The following WDR81 variants were observed in gnomAD, a reference collection of about 807,000 sequenced individuals.
WDR81 encodes WD repeat-containing protein 81.
WDR81 carries 92 observed loss-of-function variants against 140.8 expected under a neutral mutation model. The observed-to-expected ratio is 0.65, with a 90% confidence interval of 0.55 to 0.78. The LOEUF is 0.78. Among genes scored for constraint, WDR81 ranks in the 30% least tolerant of loss-of-function variants. WDR81 has a pLI of 0.00. For synonymous variants in WDR81, 1,183 were observed against 1,156.4 expected (o/e 1.02, Z -0.47); for missense variants, 2,502 against 2,636.4 (o/e 0.95, Z 1.12).
chr17:1,733,724 C>T lies in WDR81; in HGVS notation c.4687C>T (p.Leu1563=), dbSNP rs769773460. ...CCACTCAGGGACCTTTGGGAGCGTC[C>T]TGGTGGGGAACCGCATTCAGATCCC... ...DGHSGTFGSV[L]VGNRIQIPND... is the part of the protein sequence containing the mutation. Residue 1563 remains leucine (L), a synonymous_variant, in exon 7 of 10, where the codon CTG becomes TTG. Transcript: ENST00000409644. 2 of 1,612,670 alleles carry T rather than the reference C, an allele frequency of 1.2e-6. No individual in the cohort carries two copies. The highest frequency in any genetic ancestry group is 1.1e-5 in the South Asian group (1 of 91,066).
Position 1,735,547 on chromosome 17 carries a change from G to C in WDR81, c.5180-25G>C, listed in dbSNP as rs1263217275. 1.3e-6 allele frequency: 2 copies of C among 1,573,560 alleles called. No homozygotes were observed. Among genetic ancestry groups the C allele is most frequent in the South Asian group, 1.2e-5 (1 of 86,144 alleles). ...TCTTCCGTCAGCTGCTGGGACCCCA[G>C]ATCCACTGTGACTTTCCTTCCCAGG... On this transcript the variant is annotated intron_variant, in intron 7 of 9. Coordinates refer to ENST00000409644, the MANE Select transcript of WDR81 (RefSeq NM_001163809.2). The surrounding 1 kb of genome is among the most constrained non-coding windows in gnomAD (Gnocchi z 4.2).
chr17:1,737,308 C>T, intron 9 of WDR81, 57 bp from the exon 10 acceptor site: 1 of 1,516,394 alleles, frequency 6.6e-7, no homozygotes, highest in Non-Finnish European at 8.8e-7. Context: ...GGCCTTGGGG[C>T]CCAAGGGTAT....
chr17:1,730,233 G>A, intron 1 of WDR81, 147 bp from the exon 2 acceptor site: 3 of 636,574 alleles, frequency 4.7e-6, no homozygotes, highest in Admixed American at 2.9e-5. Flanking sequence ...CTGTTACGTG[G>A]AGGGGGTGGT....
chr17:1,735,999 G>A lies in WDR81; in HGVS notation c.5326-40G>A. On this transcript the variant is annotated intron_variant, in intron 8 of 9. Coordinates refer to ENST00000409644, the MANE Select transcript of WDR81 (RefSeq NM_001163809.2). This position sits in a 1 kb window ranked among gnomAD's most constrained non-coding sequence, Gnocchi z 4.2. ...GGCAGGGCCTTGGGGAGTGTGAGATGGGAAGGTGGTGCCTCAGCTCAGCCG... is the reference window on the plus strand; with the variant it reads ...GGCAGGGCCTTGGGGAGTGTGAGATAGGAAGGTGGTGCCTCAGCTCAGCCG... 3 of 1,556,852 alleles carry A rather than the reference G, an allele frequency of 1.9e-6. No individual in the cohort carries two copies. The highest frequency in any genetic ancestry group is 2.6e-6 in the Non-Finnish European group (3 of 1,156,144).
Position 1,730,890 on chromosome 17 carries a change from G to A in WDR81, c.3911G>A (p.Arg1304His), listed in dbSNP as rs150085146. 2.9e-5 allele frequency: 47 copies of A among 1,613,164 alleles called. No homozygotes were observed. In the East Asian group the frequency reaches 3.6e-4, roughly 12 times the overall value. Reference protein sequence around the residue: ...PVLSCLLHIARLYGEPVLTYQ... With the variant: ...PVLSCLLHIAHLYGEPVLTYQ... ...CTCAGCTGCCTCCTCCACATCGCCCGCCTGTATGGGGAGCCTGTCCTCACC... is the reference window on the plus strand; with the variant it reads ...CTCAGCTGCCTCCTCCACATCGCCCACCTGTATGGGGAGCCTGTCCTCACC... The change falls in exon 3 of 10, where the codon CGC becomes CAC. Residue 1304 changes from arginine (R) to histidine (H), a missense_variant. This residue lies in a region of WDR81 where 1,737 missense variants were observed against 1,843.0 expected (regional missense o/e 0.94). Transcript: ENST00000409644.
rs1342773464 is a variant in WDR81, at chr17:1,725,904, G to A, written c.945G>A (p.Glu315=). The A allele has an allele frequency of 6.4e-7, 1 of 1,550,776 alleles. No individual in the cohort carries two copies. The highest frequency in any genetic ancestry group is 2.4e-5 in the East Asian group (1 of 40,936). ...AGAGGCCCGAGGAGGACGAGAATGA[G>A]GAGGCCCCTGTGGCAAGGGATGAGG... ...AYERPEEDEN[E]EAPVARDEAG... Residue 315 remains glutamate (E), a synonymous_variant, in exon 1 of 10, where the codon GAG becomes GAA. Transcript: ENST00000409644.
rs778148418 is a variant in WDR81, at chr17:1,728,340, G to T, written c.3381G>T (p.Glu1127Asp). The change falls in exon 1 of 10, where the codon GAG becomes GAT. Residue 1127 changes from glutamate to aspartate, a missense_variant. Transcript: ENST00000409644. Reference sequence around the variant, plus strand: ...TGGGTGAGGAGCGGGCTCCAGACGAGGGGGGTGCCCCCGTGGACAAGAGCA... The same window carrying T: ...TGGGTGAGGAGCGGGCTCCAGACGATGGGGGTGCCCCCGTGGACAAGAGCA... ...TSLGEERAPD[E>D]GGAPVDKSSL... The T allele has an allele frequency of 3.1e-6, 5 of 1,612,864 alleles. No homozygotes were observed. The South Asian group carries it at 5.5e-5, about 18-fold the overall frequency.
rs1319693969 is a variant in WDR81, at chr17:1,726,070, G to C, written c.1111G>C (p.Gly371Arg). Residue 371 changes from glycine to arginine, a missense_variant, in exon 1 of 10, where the codon GGT (glycine) becomes CGT (arginine). By Grantham distance (125) the Gly-to-Arg change is moderately radical (BLOSUM62 -2). Around this residue, in one of 3 missense-constraint regions of WDR81, gnomAD observed 547 missense variants for 513.8 expected, o/e 1.06. Coordinates refer to ENST00000409644, the MANE Select transcript of WDR81 (RefSeq NM_001163809.2). ...CCTCATGCAGCTGAATCGGTTGGCA[G>C]GTCGGCGGCAGGGGGACCCCAACTA... ...HYLMQLNRLAGRRQGDPNYHP... is the reference protein window; with the variant it reads ...HYLMQLNRLARRRQGDPNYHP... 1.9e-6 allele frequency: 3 copies of C among 1,547,772 alleles called. No individual in the cohort carries two copies. The highest frequency in any genetic ancestry group is 2.6e-6 in the Non-Finnish European group (3 of 1,145,150).
chr17:1,727,119 T>G lies in WDR81; in HGVS notation c.2160T>G (p.Leu720=), dbSNP rs1382701832. 6 of 1,547,002 alleles carry G rather than the reference T, an allele frequency of 3.9e-6. No homozygotes were observed. Among genetic ancestry groups the G allele is most frequent in the Non-Finnish European group, 5.2e-6 (6 of 1,144,686 alleles). ...DPGEGEEGRI[L]LPEGFNPMQA... ...GGGAGGGTGAGGAGGGGAGGATTCT[T>G]CTTCCCGAGGGCTTCAATCCCATGC... Residue 720 remains leucine (L), a synonymous_variant, in exon 1 of 10, where the codon CTT becomes CTG. Coordinates refer to ENST00000409644, the MANE Select transcript of WDR81 (RefSeq NM_001163809.2).
In WDR81 at chr17:1,728,240, C is replaced by A. The variant is rs1202482465; in HGVS notation, c.3281C>A (p.Ser1094Tyr). ...CAAGCCGGGCTCTATGTGACTGAGT[C>A]TCCCCAGCCCCAGGAGGCTGAGGCT... ...DFQAGLYVTE[S>Y]PQPQEAEAVS... Residue 1094 changes from serine to tyrosine, a missense_variant, in exon 1 of 10, where the codon TCT (serine) becomes TAT (tyrosine). Transcript: ENST00000409644. 6.2e-7 allele frequency: 1 copy of A among 1,610,022 alleles called. No homozygotes were observed. Among genetic ancestry groups the A allele is most frequent in the Admixed American group, 1.7e-5 (1 of 59,832 alleles).
chr17:1,725,666 C>T lies in WDR81; in HGVS notation c.707C>T (p.Pro236Leu), dbSNP rs1279703189. Residue 236 changes from proline (P) to leucine (L), a missense_variant, in exon 1 of 10, where the codon CCT becomes CTT. Transcript: ENST00000409644. ...ESPEMLYVVH[P>L]YVQFSLHDVV... is the part of the protein sequence containing the mutation. ...CCGGAGATGCTGTATGTGGTACACC[C>T]TTACGTACAGTTCTCCCTACATGAC... The T allele has an allele frequency of 1.9e-6, 3 of 1,547,704 alleles. No homozygotes were observed. The highest frequency in any genetic ancestry group is 1.7e-6 in the Non-Finnish European group (2 of 1,146,996).
At chr17:1,730,003 A>AAAG (rs34994724) in intron 1 of WDR81, among the ~76,000 whole-genome samples, 60,939 of 144,664 alleles carry the variant, frequency 0.42, 12,912 homozygotes, top group South Asian at 0.51. Flanking sequence ...AAAAAAAAAA[A>AAAG]AAGAAGAAGA....
chr17:1,722,242 T>A (rs1370690129), upstream of WDR81, among the ~76,000 whole-genome samples: 1 of 152,184 alleles, frequency 6.6e-6, no homozygotes, highest in Non-Finnish European at 1.5e-5. Flanking sequence ...AAGTTACTAC[T>A]GCCCAGGATC....
rs567631799 is a variant in WDR81 at position 1,716,833 on chromosome 17, A to C, written c.-124+200A>C. On this transcript the variant is annotated intron_variant, in intron 1 of 10. Coordinates refer to the WDR81 transcript ENST00000309182. ...AGGAGTGGGCAGAGCGTCAGCCCCC[A>C]GGGCAGCAGAGACTGCCGTTGGAGA... 204 of 636,772 alleles carry C rather than the reference A, an allele frequency of 3.2e-4. 1 individual carries two copies. The African/African-American group carries it at 3.4e-3, about 11-fold the overall frequency. 39.4% of individuals were successfully genotyped at this position (636,772 alleles called of 1,614,324 possible).
At chr17:1,724,634 G>C (rs988191234), upstream of WDR81, 2 of 1,014,946 alleles carry the variant, frequency 2.0e-6, no homozygotes, top group Admixed American at 5.8e-5. Context: ...GGCAGGAAGC[G>C]GGGTCCCGCC....
In WDR81 at chr17:1,735,899, G is replaced by A; in HGVS notation, c.5326-140G>A. On this transcript the variant is annotated intron_variant, in intron 8 of 9. Transcript: ENST00000409644. This position sits in a 1 kb window ranked among gnomAD's most constrained non-coding sequence, Gnocchi z 4.2. ...CAGGACTCTGGCCTGTGATGGGGGT[G>A]GGGTTCTGGGCTTTTCATGCCCCCT... 7.3e-7 allele frequency: 1 copy of A among 1,378,442 alleles called. No homozygotes were observed. The allele number at this position is 1,378,442 out of a possible 1,614,324, so 85.4% of individuals were successfully genotyped here.
In WDR81 at chr17:1,732,315, C is replaced by G. The variant is rs1242051534; in HGVS notation, c.4158-10C>G. ...AACGGCGGGCTGGAGCTCATGAGCT[C>G]TGTTTCCAGGTTCCCAAGTGGGGCC... is the stretch of plus-strand genomic sequence containing the variant. On this transcript the variant is annotated splice_polypyrimidine_tract_variant and intron_variant, in intron 4 of 9. Coordinates refer to ENST00000409644, the MANE Select transcript of WDR81 (RefSeq NM_001163809.2). The G allele has an allele frequency of 1.9e-6, 3 of 1,612,452 alleles. No homozygotes were observed. The highest frequency in any genetic ancestry group is 2.5e-6 in the Non-Finnish European group (3 of 1,179,696).
intron 4 of WDR81, among the ~76,000 whole-genome samples, chr17:1,731,940 A>C (rs568314194): frequency 1.1e-5 from 1 of 90,534 alleles, no homozygotes; most frequent in Non-Finnish European, 2.4e-5. Flanking sequence ...AAAAAAAAAA[A>C]GTATATATAT....
Position 1,727,017 on chromosome 17 carries a change from CCCTGG to C in WDR81, c.2059_2063del (p.Pro687ThrfsTer17). 1 of 1,550,372 alleles carries C rather than the reference CCCTGG, an allele frequency of 6.5e-7. No homozygotes were observed. Among genetic ancestry groups the C allele is most frequent in the South Asian group, 1.2e-5 (1 of 84,068 alleles). On this transcript the variant is annotated frameshift_variant, in exon 1 of 10. Transcript: ENST00000409644. LOFTEE classifies it high-confidence loss of function. ...AGCTGGGCTCCTCCAGTCAAGCGTCCCCTGGACTTCTCTCTTTCTCAGTGGCCTCA... is the reference window on the plus strand; with the variant it reads ...AGCTGGGCTCCTCCAGTCAAGCGTCCACTTCTCTCTTTCTCAGTGGCCTCA...
Sources: allele counts gnomAD v4.1 joint callset (sites outside exome capture counted in the v4.1 genomes callset), GRCh38; gene constraint gnomAD v4.1.1; regional missense constraint gnomAD v4.1.1; non-coding constraint Gnocchi (gnomAD v3.1); transcripts MANE v1.5; gene names NCBI Gene and HGNC (gene_info 2026-07-23, HGNC 2026-07-21).